PLPP1: variants seen among roughly 807,000 people sequenced by gnomAD.
PLPP1 encodes lipid phosphate phosphohydrolase 1a.
Under a neutral mutation model 31.2 loss-of-function variants are expected in PLPP1, and 24 were observed. The ratio of observed to expected loss-of-function variants is 0.77; its 90% confidence interval spans 0.56 to 1.08. PLPP1 has a LOEUF of 1.08. Among genes scored for constraint, PLPP1 ranks in the 50% least tolerant of loss-of-function variants. The probability of loss-of-function intolerance (pLI) is 0.00; values close to 1 mark genes in which losing one functional copy is unlikely to be tolerated. For synonymous variants in PLPP1, 146 were observed against 126.3 expected (o/e 1.16, Z -1.05); for missense variants, 319 against 342.7 (o/e 0.93, Z 0.55).
At chr5:55,519,693 T>C (rs1343861251) in intron 1 of PLPP1, among the ~76,000 whole-genome samples, 1 of 150,286 alleles carries the variant, frequency 6.7e-6, no homozygotes, top group African/African-American at 2.5e-5. Flanking sequence ...GCGGTTGCAG[T>C]GAGCCAAGAT....
chr5:55,432,907 A>C (rs758761629), intron 4 of PLPP1, among the ~76,000 whole-genome samples: 7 of 152,196 alleles, frequency 4.6e-5, no homozygotes, highest in Admixed American at 3.9e-4. Flanking sequence ...AACAGGGAAA[A>C]GCTGAAAGCC....
intron 3 of PLPP1, among the ~76,000 whole-genome samples, chr5:55,461,175 A>T (rs1752146990): frequency 6.6e-6 from 1 of 152,156 alleles, no homozygotes; most frequent in African/African-American, 2.4e-5. Flanking sequence ...AGCCTAGGTA[A>T]CAAAGTGAGA....
At chr5:55,507,299 C>G (rs1422484257) in intron 1 of PLPP1, among the ~76,000 whole-genome samples, 4 of 152,150 alleles carry the variant, frequency 2.6e-5, no homozygotes, top group African/African-American at 7.2e-5. Context: ...ACATTCATAT[C>G]TGGCACTCAG....
intron 3 of PLPP1, among the ~76,000 whole-genome samples, chr5:55,461,406 A>T (rs776405978): frequency 3.3e-5 from 5 of 152,098 alleles, no homozygotes; most frequent in Admixed American, 3.3e-4. Flanking sequence ...TTAATATAAA[A>T]AGTATAATAC....
At chr5:55,444,741 T>TGTGTGTGTGTGTGTG (rs1554037408) in intron 3 of PLPP1, among the ~76,000 whole-genome samples, 132 of 6,978 alleles carry the variant, frequency 0.019, 1 homozygote, top group Admixed American at 0.053. Context: ...TGGGATTCTA[T>TGTGTGTGTGTGTGTG]TTTGTGTGTG....
chr5:55,472,733 GGAGGAAGAGGAAGAAGAGGAAGAGGAA>G (rs1051490956), intron 2 of PLPP1, among the ~76,000 whole-genome samples: 9 of 144,010 alleles, frequency 6.2e-5, no homozygotes, highest in Admixed American at 2.9e-4. Flanking sequence ...AAGAGGAAGA[GGAGGAAGAGGAAGAAGAGGAAGAGGAA>G]GAAGAAGAGG....
In PLPP1 at chr5:55,425,234, T is replaced by C. The variant is rs144798547; in HGVS notation, c.827A>G (p.Asn276Ser). ...TTLHETPTTG[N>S]HYPSNHQP ...AGGCTGGTGATTGCTCGGATAGTGA[T>C]TCCCAGTTGTTGGTGTTTCATGCAG... Residue 276 changes from asparagine to serine, a missense_variant, in exon 6 of 6, where the codon AAT becomes AGT. Physicochemically the swap from Asn to Ser is conservative, Grantham distance 46. Coordinates refer to ENST00000307259, the MANE Select transcript of PLPP1 (RefSeq NM_003711.4). 1.6e-4 allele frequency: 266 copies of C among 1,613,846 alleles called. No individual in the cohort carries two copies. The highest frequency in any genetic ancestry group is 2.1e-4 in the Non-Finnish European group (250 of 1,179,964).
intron 4 of PLPP1, among the ~76,000 whole-genome samples, chr5:55,430,758 CAGAAAA>C (rs1476242651): frequency 6.6e-6 from 1 of 151,742 alleles, no homozygotes; most frequent in Non-Finnish European, 1.5e-5. Context: ...TGTGAAATCT[CAGAAAA>C]AGAATTCAAA....
intron 3 of PLPP1, among the ~76,000 whole-genome samples, chr5:55,450,147 C>T (rs891499067): frequency 8.5e-5 from 13 of 152,150 alleles, no homozygotes; most frequent in Non-Finnish European, 1.9e-4. Context: ...AGCCACATTA[C>T]ATAGAGAGAC....
At chr5:55,514,023 T>C (rs1753500546) in intron 1 of PLPP1, among the ~76,000 whole-genome samples, 1 of 152,158 alleles carries the variant, frequency 6.6e-6, no homozygotes. Context: ...TGGTATACAA[T>C]TAGTTATCTC....
chr5:55,431,982 C>T (rs1048466705), intron 4 of PLPP1, among the ~76,000 whole-genome samples: 4 of 152,140 alleles, frequency 2.6e-5, no homozygotes, highest in Non-Finnish European at 4.4e-5. Flanking sequence ...GGCACAGTGG[C>T]GTGATCATCA....
At chr5:55,497,148 T>C (rs780051539) in intron 1 of PLPP1, among the ~76,000 whole-genome samples, 6 of 152,132 alleles carry the variant, frequency 3.9e-5, no homozygotes, top group Non-Finnish European at 7.4e-5. Flanking sequence ...CCCTCCTTAT[T>C]CATTCAAACA....
At chr5:55,490,265 C>T (rs2111850153) in intron 1 of PLPP1, among the ~76,000 whole-genome samples, 1 of 151,302 alleles carries the variant, frequency 6.6e-6, no homozygotes, top group Admixed American at 6.6e-5. Flanking sequence ...ATTCTCCTGC[C>T]TCGGCCTCCC....
At chr5:55,430,911 T>A (rs1226350082) in intron 4 of PLPP1, among the ~76,000 whole-genome samples, 5 of 152,046 alleles carry the variant, frequency 3.3e-5, no homozygotes, top group African/African-American at 9.7e-5. Context: ...TAAAAAAAAA[T>A]TCTGAAATTG....
intron 2 of PLPP1, among the ~76,000 whole-genome samples, chr5:55,471,791 G>C (rs1163373416): frequency 6.6e-6 from 1 of 152,116 alleles, no homozygotes; most frequent in Admixed American, 6.5e-5. Context: ...GCCTGAAAGA[G>C]GCTGAGTTAA....
chr5:55,507,968 A>G (rs940600311), intron 1 of PLPP1, among the ~76,000 whole-genome samples: 23 of 151,264 alleles, frequency 1.5e-4, no homozygotes, highest in African/African-American at 5.6e-4. Flanking sequence ...AGCAATTCTC[A>G]TGCCTCAGCC....
At chr5:55,493,386 T>C (rs756896720) in intron 1 of PLPP1, among the ~76,000 whole-genome samples, 3 of 152,106 alleles carry the variant, frequency 2.0e-5, no homozygotes, top group Non-Finnish European at 4.4e-5. Flanking sequence ...AGATTATCTC[T>C]GAATTCTGCA....
intron 4 of PLPP1, among the ~76,000 whole-genome samples, chr5:55,427,417 C>T (rs530386988): frequency 6.6e-6 from 1 of 152,274 alleles, no homozygotes; most frequent in Admixed American, 6.5e-5. Flanking sequence ...TCTGACTCAT[C>T]AGCAAGTTTA....
At chr5:55,511,726 C>CTCACT (rs1753417231) in intron 1 of PLPP1, among the ~76,000 whole-genome samples, 1 of 133,238 alleles carries the variant, frequency 7.5e-6, no homozygotes, top group Non-Finnish European at 1.5e-5. Flanking sequence ...TGCAGTGGCG[C>CTCACT]GATCTCTGCT....
Sources: allele counts gnomAD v4.1 joint callset (sites outside exome capture counted in the v4.1 genomes callset), GRCh38; gene constraint gnomAD v4.1.1; transcripts MANE v1.5; gene names NCBI Gene and HGNC (gene_info 2026-07-23, HGNC 2026-07-21).